FAM53A: variants seen among roughly 807,000 people sequenced by gnomAD.
FAM53A encodes the protein family with sequence similarity 53 member A, also known as protein FAM53A.
FAM53A carries 28 observed loss-of-function variants against 26.6 expected under a neutral mutation model. That is an observed-to-expected ratio of 1.05 (90% confidence interval 0.78 to 1.45). FAM53A has a LOEUF of 1.45. FAM53A is among the 40% of genes most tolerant of loss of function. FAM53A has a pLI of 0.00. For missense variants in FAM53A, 650 were observed against 575.8 expected, an observed-to-expected ratio of 1.13 and a Z score of -1.32; for synonymous variants, 290 against 253.1, an observed-to-expected ratio of 1.15 and a Z score of -1.38.
chr4:1,633,988 C>A (rs148023754), intron 1 of FAM53A, among the ~76,000 whole-genome samples: 35 of 152,256 alleles, frequency 2.3e-4, no homozygotes, highest in African/African-American at 7.2e-4. Context: ...GCTGGGGGAG[C>A]GCCCGGGGTT....
intron 1 of FAM53A, among the ~76,000 whole-genome samples, chr4:1,622,204 G>C (rs889258042): frequency 6.6e-6 from 1 of 152,222 alleles, no homozygotes; most frequent in Non-Finnish European, 1.5e-5. Context: ...CACGGAGAGA[G>C]GCAGGACCCG....
intron 4 of FAM53A, among the ~76,000 whole-genome samples, chr4:1,649,730 A>T (rs1029810536): frequency 1.3e-5 from 2 of 152,260 alleles, no homozygotes; most frequent in Non-Finnish European, 2.9e-5. Flanking sequence ...TCAAGCCTCC[A>T]GGTAACCACA....
the FAM53A span, among the ~76,000 whole-genome samples, chr4:1,593,318 C>A: frequency 6.6e-6 from 1 of 152,038 alleles, no homozygotes; most frequent in South Asian, 2.1e-4. Context: ...TGCGCTCAGC[C>A]CAGGCCAGGG....
intron 1 of FAM53A, among the ~76,000 whole-genome samples, chr4:1,620,220 A>T (rs1271849794): frequency 6.8e-6 from 1 of 146,684 alleles, no homozygotes; most frequent in Non-Finnish European, 1.5e-5. Context: ...AAAAAAAAAA[A>T]TTAATTAATT....
intron 1 of FAM53A, among the ~76,000 whole-genome samples, chr4:1,625,769 A>AG (rs71167739): frequency 0.32 from 37,837 of 116,874 alleles, 6,605 homozygotes; most frequent in African/African-American, 0.44. Flanking sequence ...CCACATGGTC[A>AG]GGGTCACGCC....
the FAM53A span, among the ~76,000 whole-genome samples, chr4:1,577,613 C>CTGGGCA: frequency 6.6e-6 from 1 of 152,192 alleles, no homozygotes; most frequent in Admixed American, 6.5e-5. Context: ...GCAGGTTCCC[C>CTGGGCA]GGCTGCCTGT....
the FAM53A span, among the ~76,000 whole-genome samples, chr4:1,611,524 CAAG>C: frequency 1.3e-5 from 2 of 152,216 alleles, no homozygotes; most frequent in African/African-American, 4.8e-5. Flanking sequence ...CCCTGGTGCA[CAAG>C]AAGACAGGCA....
intron 2 of FAM53A, among the ~76,000 whole-genome samples, chr4:1,667,884 T>G (rs1306703930): frequency 1.3e-5 from 2 of 151,366 alleles, no homozygotes; most frequent in Non-Finnish European, 2.9e-5. Flanking sequence ...GGCGGGGGGG[T>G]CCTGAAGGTG....
At chr4:1,632,220 A>G (rs952306529) in intron 1 of FAM53A, among the ~76,000 whole-genome samples, 2 of 151,580 alleles carry the variant, frequency 1.3e-5, no homozygotes, top group Non-Finnish European at 2.9e-5. Flanking sequence ...AGAGGTAGTT[A>G]GGGTTAAATA....
intron 1 of FAM53A, among the ~76,000 whole-genome samples, chr4:1,619,936 G>A (rs1018550459): frequency 5.9e-5 from 9 of 152,226 alleles, no homozygotes; most frequent in East Asian, 1.9e-4. Flanking sequence ...TCAGCCGGGC[G>A]TGGTGGCTCA....
At chr4:1,685,283 A>AG (rs1183227443), upstream of FAM53A, among the ~76,000 whole-genome samples, 4 of 151,962 alleles carry the variant, frequency 2.6e-5, no homozygotes, top group East Asian at 7.8e-4. Context: ...CTGGGGTGGG[A>AG]GGGGCCTGAG....
At chr4:1,673,070 G>C (rs571188445) in intron 1 of FAM53A, among the ~76,000 whole-genome samples, 1 of 152,106 alleles carries the variant, frequency 6.6e-6, no homozygotes, top group Non-Finnish European at 1.5e-5. Context: ...ACCACGCCTG[G>C]CCTGGAACCT....
the FAM53A span, among the ~76,000 whole-genome samples, chr4:1,612,480 C>T: frequency 7.9e-5 from 12 of 152,270 alleles, no homozygotes; most frequent in Admixed American, 6.5e-5. Flanking sequence ...CGAAGGCATG[C>T]GCGCACACAC....
chr4:1,607,978 A>G, the FAM53A span, among the ~76,000 whole-genome samples: 4 of 150,090 alleles, frequency 2.7e-5, no homozygotes, highest in East Asian at 2.0e-4. Context: ...CGGATGTGGT[A>G]GCACGAGCCT....
chr4:1,634,900 CA>C (rs57835658), downstream of FAM53A, among the ~76,000 whole-genome samples: 32,040 of 141,336 alleles, frequency 0.23, 3,780 homozygotes, highest in Middle Eastern at 0.3. Flanking sequence ...AACTCTGTCT[CA>C]AAAAAAAAAA....
downstream of FAM53A, among the ~76,000 whole-genome samples, chr4:1,616,869 G>T (rs1314527805): frequency 6.6e-6 from 1 of 152,236 alleles, no homozygotes; most frequent in Non-Finnish European, 1.5e-5. Context: ...GGGCACCGTG[G>T]CTCATGCCTG....
Position 1,623,895 on chromosome 4 carries a change from G to A in FAM53A, c.432-5784C>T, listed in dbSNP as rs557773579. On this transcript the variant is annotated intron_variant, in intron 1 of 1. Coordinates refer to the FAM53A transcript ENST00000489029. The stretch of plus-strand genomic sequence containing the variant: ...GATGGGCTCCCTCTCTGGCGGGCGG[G>A]GAGAAGTGGGTGCCCGGCTGGGCAC... Among the ~76,000 whole-genome samples the A allele has an allele frequency of 5.9e-5, 9 of 152,322 alleles. No homozygotes were observed. In the South Asian group the frequency reaches 1.9e-3, roughly 32 times the overall value.
At chr4:1,624,453 CG>C (rs1270822766) in intron 1 of FAM53A, among the ~76,000 whole-genome samples, 2 of 152,148 alleles carry the variant, frequency 1.3e-5, no homozygotes, top group African/African-American at 4.8e-5. Context: ...CGGAGGCTGA[CG>C]GGTCATCCAG....
rs112026417 is a variant in FAM53A at position 1,655,095 on chromosome 4, C to G, written c.765G>C (p.Leu255=). Residue 255 remains leucine (L), a synonymous_variant, in exon 4 of 5, where the codon CTG becomes CTC. Coordinates refer to ENST00000308132, the MANE Select transcript of FAM53A (RefSeq NM_001174070.3). ...CGCAAGGCTGTGAGCGGCACCGGAG[C>G]AGCCCACGGCGCCCGCCCAGCGCAG... ...STPALGGRRG[L]LRCRSQPCVL... is the part of the protein sequence containing the mutation. 3,814 of 1,601,082 alleles carry G rather than the reference C, an allele frequency of 2.4e-3. 86 individuals carry two copies. In the African/African-American group the frequency reaches 0.044, roughly 18 times the overall value.
Sources: gnomAD v4.1 joint callset for allele counts (sites outside exome capture counted in the v4.1 genomes callset) on GRCh38, gnomAD v4.1.1 for gene constraint, MANE v1.5 for transcripts, NCBI Gene and HGNC (gene_info 2026-07-23, HGNC 2026-07-21) for gene names.